The following SLC36A1 variants were observed in gnomAD, a reference collection of about 807,000 sequenced individuals.
SLC36A1 encodes the protein proton-coupled amino acid transporter 1.
A neutral mutation model predicts 47.5 loss-of-function variants in SLC36A1; 30 were observed. That is an observed-to-expected ratio of 0.63 (90% CI 0.47 to 0.86). The LOEUF is 0.86. SLC36A1 is among the 40% of genes least tolerant of loss of function. SLC36A1 has a pLI of 0.00. For synonymous variants in SLC36A1, 255 were observed against 249.7 expected, an observed-to-expected ratio of 1.02 and a Z score of -0.20; for missense variants, 517 against 606.0, an observed-to-expected ratio of 0.85 and a Z score of 1.54.
chr5:151,414,156 G>A, the SLC36A1 span, among the ~76,000 whole-genome samples: 1 of 152,152 alleles, frequency 6.6e-6, no homozygotes, highest in Admixed American at 6.5e-5. Context: ...TATTTAAACA[G>A]TAGGATTAAA....
At chr5:151,430,613 C>T in the SLC36A1 span, among the ~76,000 whole-genome samples, 2 of 152,132 alleles carry the variant, frequency 1.3e-5, no homozygotes, top group South Asian at 2.1e-4. Flanking sequence ...CATGAGCCAC[C>T]GTGCCTGTCC....
chr5:151,544,330 T>C, the SLC36A1 span: 5 of 1,614,084 alleles, frequency 3.1e-6, no homozygotes, highest in African/African-American at 4.0e-5. Flanking sequence ...AGGGTTATCA[T>C]TGACATCCTC....
At chr5:151,350,278 A>G in the SLC36A1 span, among the ~76,000 whole-genome samples, 13 of 152,224 alleles carry the variant, frequency 8.5e-5, 1 homozygote, top group Admixed American at 8.5e-4. Flanking sequence ...GAGGTGTGTT[A>G]CATGAGGTAG....
chr5:151,425,077 G>T, the SLC36A1 span, among the ~76,000 whole-genome samples: 1 of 152,224 alleles, frequency 6.6e-6, no homozygotes, highest in African/African-American at 2.4e-5. Context: ...CAGAGCTGGG[G>T]TGAACTCAGA....
chr5:151,538,106 AAG>A, the SLC36A1 span, among the ~76,000 whole-genome samples: 2 of 151,982 alleles, frequency 1.3e-5, no homozygotes, highest in Admixed American at 1.3e-4. Context: ...GAGAGAGAGA[AAG>A]AGAAGCAGAG....
the SLC36A1 span, among the ~76,000 whole-genome samples, chr5:151,354,598 T>TGCCCTGTCCCTGGG: frequency 6.6e-6 from 1 of 152,192 alleles, no homozygotes. Context: ...AATTTGACCC[T>TGCCCTGTCCCTGGG]GCCCTGTCCC....
upstream of SLC36A1, among the ~76,000 whole-genome samples, chr5:151,435,972 A>G (rs1346561394): frequency 2.0e-5 from 3 of 152,118 alleles, no homozygotes; most frequent in Non-Finnish European, 4.4e-5. Flanking sequence ...TTACCAAAAG[A>G]AAGCCAATAT....
the SLC36A1 span, among the ~76,000 whole-genome samples, chr5:151,390,735 C>T: frequency 6.6e-6 from 1 of 152,184 alleles, no homozygotes; most frequent in Non-Finnish European, 1.5e-5. Context: ...GGTATTATTA[C>T]TCAGGGCTCT....
downstream of SLC36A1, among the ~76,000 whole-genome samples, chr5:151,492,538 A>G (rs1760205975): frequency 6.6e-6 from 1 of 152,048 alleles, no homozygotes; most frequent in Non-Finnish European, 1.5e-5. Flanking sequence ...GCCCAAGAAG[A>G]AAGGGACTAG....
At chr5:151,430,313 C>T in the SLC36A1 span, among the ~76,000 whole-genome samples, 7,796 of 148,322 alleles carry the variant, frequency 0.053, 634 homozygotes, top group African/African-American at 0.18. Context: ...TACAGGTGTG[C>T]GCCACCACAC....
chr5:151,458,370 A>G (rs1755004928), intron 1 of SLC36A1, among the ~76,000 whole-genome samples: 1 of 145,102 alleles, frequency 6.9e-6, no homozygotes, highest in Admixed American at 6.8e-5. Flanking sequence ...CACACGATTG[A>G]ACTATTGCAC....
At chr5:151,500,128 T>TC in the SLC36A1 span, among the ~76,000 whole-genome samples, 1 of 152,182 alleles carries the variant, frequency 6.6e-6, no homozygotes, top group Non-Finnish European at 1.5e-5. Context: ...CTCAGCCTGT[T>TC]CCGTTGCACT....
the SLC36A1 span, chr5:151,532,085 A>G: frequency 1.4e-6 from 2 of 1,396,842 alleles, no homozygotes; most frequent in Admixed American, 2.1e-5. Context: ...AAGGCGGACA[A>G]GCTGGCTTGG....
chr5:151,457,803 A>G (rs1260595043), intron 1 of SLC36A1, among the ~76,000 whole-genome samples: 4 of 151,800 alleles, frequency 2.6e-5, no homozygotes, highest in Non-Finnish European at 5.9e-5. Context: ...TTTCAGCAGA[A>G]TTGGATGATC....
chr5:151,396,033 C>T, the SLC36A1 span, among the ~76,000 whole-genome samples: 1 of 152,106 alleles, frequency 6.6e-6, no homozygotes, highest in Non-Finnish European at 1.5e-5. Flanking sequence ...TGGTCTCGTA[C>T]TCCTGACCTC....
At chr5:151,386,776 C>T in the SLC36A1 span, among the ~76,000 whole-genome samples, 12 of 152,168 alleles carry the variant, frequency 7.9e-5, no homozygotes, top group African/African-American at 2.2e-4. Context: ...AGGCTCTGCC[C>T]GGTCCCTGTC....
At chr5:151,506,010 G>A in the SLC36A1 span, 1 of 1,575,756 alleles carries the variant, frequency 6.3e-7, no homozygotes, top group South Asian at 1.2e-5. Context: ...GGGCGGCAGA[G>A]GGCCCTGAGT....
the SLC36A1 span, among the ~76,000 whole-genome samples, chr5:151,364,078 C>T: frequency 2.6e-4 from 39 of 152,104 alleles, no homozygotes; most frequent in Non-Finnish European, 1.0e-4. Flanking sequence ...TGAATGGCAC[C>T]GTGTGTGGTC....
the SLC36A1 span, chr5:151,505,316 G>T: frequency 1.8e-6 from 1 of 551,288 alleles, no homozygotes; most frequent in Non-Finnish European, 3.2e-6. Context: ...TGGTTTTCCA[G>T]GGTCACTGCT....
Sources: allele counts gnomAD v4.1 joint callset (sites outside exome capture counted in the v4.1 genomes callset), GRCh38; gene constraint gnomAD v4.1.1; transcripts MANE v1.5; gene names NCBI Gene and HGNC (gene_info 2026-07-23, HGNC 2026-07-21).